Variants in SLC27A2 observed in about 807,000 individuals in gnomAD.
SLC27A2 encodes the protein solute carrier family 27 member 2, also known as long-chain fatty acid transport protein 2.
In SLC27A2, 54 loss-of-function variants were observed where a neutral mutation model predicts 60.0. The ratio of observed to expected loss-of-function variants is 0.90; its 90% confidence interval spans 0.72 to 1.13. The LOEUF (loss-of-function observed/expected upper bound fraction) is 1.13. Ranked by LOEUF, SLC27A2 falls within the 50% of genes most tolerant of loss-of-function variation. SLC27A2 has a pLI of 0.00. For missense variants in SLC27A2, 739 were observed against 777.6 expected, an observed-to-expected ratio of 0.95 and a Z score of 0.59; for synonymous variants, 297 against 297.6, an observed-to-expected ratio of 1.00 and a Z score of 0.02.
At chr15:50,213,184 C>T (rs184738066) in intron 4 of SLC27A2, among the ~76,000 whole-genome samples, 48 of 152,246 alleles carry the variant, frequency 3.2e-4, no homozygotes, top group African/African-American at 1.1e-3. Context: ...AACTTTAAAG[C>T]AACAGTGGTT....
intron 9 of SLC27A2, among the ~76,000 whole-genome samples, 181 bp downstream of exon 9, chr15:50,234,179 C>T (rs1250120511): frequency 6.6e-6 from 1 of 152,158 alleles, no homozygotes; most frequent in Non-Finnish European, 1.5e-5. Flanking sequence ...GGTGCGGTGG[C>T]TCATGCCTGT....
intron 4 of SLC27A2, among the ~76,000 whole-genome samples, chr15:50,206,467 G>A (rs1178162281): frequency 5.3e-5 from 8 of 152,114 alleles, no homozygotes; most frequent in South Asian, 2.1e-4. Context: ...GCCGTGTGAC[G>A]CAGAAAGAAG....
intron 6 of SLC27A2, 94 bp downstream of exon 6, chr15:50,226,172 T>G (rs1249899265): frequency 2.6e-6 from 2 of 773,350 alleles, no homozygotes; most frequent in Non-Finnish European, 4.5e-6. Context: ...ATGGTAAAAT[T>G]TATCAGAGTG....
Position 50,182,242 on chromosome 15 carries a change from CCGGAGCCCGCGGCGGTACCTGCAG to C in SLC27A2, c.-180_-157del. ...CAACGCGCATACGACTACACCTGCT[CCGGAGCCCGCGGCGGTACCTGCAG>C]CGGAGGAGCTCTGTCTTCCCCTTCA... On this transcript the variant is annotated 5_prime_UTR_variant, in exon 1 of 10. Transcript: ENST00000267842. 1.0e-6 allele frequency: 1 copy of C among 986,208 alleles called. No homozygotes were observed. The highest frequency in any genetic ancestry group is 1.3e-6 in the Non-Finnish European group (1 of 755,282). 61.1% of individuals were successfully genotyped at this position (986,208 alleles called of 1,614,324 possible).
rs766872932 is a variant in SLC27A2 at position 50,197,462 on chromosome 15, G to A, written c.479-38G>A. On this transcript the variant is annotated intron_variant, in intron 1 of 9. Coordinates refer to ENST00000267842, the MANE Select transcript of SLC27A2 (RefSeq NM_003645.4). Reference sequence around the variant, plus strand: ...AGCACTAATAGAACTTTAATAGACTGATTTAGTTTGTTTTGATATTTTTCT... The same window carrying A: ...AGCACTAATAGAACTTTAATAGACTAATTTAGTTTGTTTTGATATTTTTCT... 21 of 1,489,594 alleles carry A rather than the reference G, an allele frequency of 1.4e-5. No homozygotes were observed. In the East Asian group the frequency reaches 4.1e-4, roughly 29 times the overall value. The allele number at this position is 1,489,594 out of a possible 1,614,324, so 92.3% of individuals were successfully genotyped here.
Position 50,236,166 on chromosome 15 carries a change from C to CTT in SLC27A2, c.*72_*73dup, listed in dbSNP as rs912222156. The CTT allele has an allele frequency of 9.3e-5, 122 of 1,310,490 alleles. No homozygotes were observed. The highest frequency in any genetic ancestry group is 1.3e-4 in the Non-Finnish European group (122 of 970,630). 81.2% of individuals were successfully genotyped at this position (1,310,490 alleles called of 1,614,324 possible). On this transcript the variant is annotated 3_prime_UTR_variant, in exon 10 of 10. Transcript: ENST00000267842. ...TGGACAGCCACTTGATATAATCCAA[C>CTT]TTTAATTTGATTGAAGATTGTGAGG... is the stretch of plus-strand genomic sequence containing the variant.
At chr15:50,183,680 C>A (rs1432523318) in intron 1 of SLC27A2, among the ~76,000 whole-genome samples, 1 of 152,160 alleles carries the variant, frequency 6.6e-6, no homozygotes, top group Non-Finnish European at 1.5e-5. Context: ...GGGCTGATGG[C>A]TTTCCCCTCC....
chr15:50,205,865 C>T (rs545968258), intron 4 of SLC27A2, among the ~76,000 whole-genome samples: 13 of 152,188 alleles, frequency 8.5e-5, no homozygotes, highest in African/African-American at 1.7e-4. Flanking sequence ...TCTGTTATAC[C>T]GAAGGCATAC....
At chr15:50,205,462 G>A in intron 4 of SLC27A2, 99 bp downstream of exon 4, 2 of 1,242,540 alleles carry the variant, frequency 1.6e-6, no homozygotes, top group Non-Finnish European at 2.2e-6. Flanking sequence ...GCATATATCA[G>A]TTTTGAGTTT....
intron 9 of SLC27A2, 61 bp downstream of exon 9, chr15:50,234,059 G>A (rs1382374201): frequency 2.1e-6 from 3 of 1,457,612 alleles, no homozygotes; most frequent in Admixed American, 4.3e-5. Flanking sequence ...ACCACTTAGG[G>A]AACAACTCGC....
intron 8 of SLC27A2, among the ~76,000 whole-genome samples, chr15:50,230,192 C>A (rs562037147): frequency 2.4e-4 from 36 of 149,084 alleles, no homozygotes; most frequent in African/African-American, 8.9e-4. Context: ...CGAGATCGTG[C>A]CATTGCACTC....
chr15:50,233,713 AT>A (rs1408414091), intron 8 of SLC27A2, among the ~76,000 whole-genome samples, 154 bp from the exon 9 acceptor site: 2 of 152,256 alleles, frequency 1.3e-5, no homozygotes, highest in African/African-American at 4.8e-5. Context: ...TATTAGTACA[AT>A]CACTTTACAG....
intron 4 of SLC27A2, among the ~76,000 whole-genome samples, chr15:50,209,180 A>T (rs556389137): frequency 6.6e-6 from 1 of 152,320 alleles, no homozygotes; most frequent in African/African-American, 2.4e-5. Flanking sequence ...GAATAGATTC[A>T]ACTTACCTCT....
In SLC27A2 at chr15:50,228,247, C is replaced by G. The variant is rs534314052; in HGVS notation, c.1458-698C>G. Among the ~76,000 whole-genome samples, 21 of 151,966 alleles carry G rather than the reference C, an allele frequency of 1.4e-4. 1 individual carries two copies. In the South Asian group the frequency reaches 4.4e-3, roughly 32 times the overall value. On this transcript the variant is annotated intron_variant, in intron 7 of 9. Transcript: ENST00000267842. ...ACAAAAATTGCTGGACATAGTGGCACGCGCCTGTAGTCCCAGCTACTTGGG... is the reference window on the plus strand; with the variant it reads ...ACAAAAATTGCTGGACATAGTGGCAGGCGCCTGTAGTCCCAGCTACTTGGG...
In SLC27A2 at chr15:50,182,797, C is replaced by T; in HGVS notation, c.370C>T (p.Leu124=). 1 of 1,613,692 alleles carries T rather than the reference C, an allele frequency of 6.2e-7. No homozygotes were observed. ...GGCCTACGTGTGGCTGTGGCTGGGGCTGGTGAAGCTGGGCTGTGCCATGGC... is the reference window on the plus strand; with the variant it reads ...GGCCTACGTGTGGCTGTGGCTGGGGTTGGTGAAGCTGGGCTGTGCCATGGC... ...EPAYVWLWLG[L]VKLGCAMACL... The change falls in exon 1 of 10, where the codon CTG becomes TTG. Residue 124 remains leucine (L), a synonymous_variant. Coordinates refer to ENST00000267842, the MANE Select transcript of SLC27A2 (RefSeq NM_003645.4).
chr15:50,186,397 C>G (rs182421645), intron 1 of SLC27A2, among the ~76,000 whole-genome samples: 1 of 151,476 alleles, frequency 6.6e-6, no homozygotes, highest in Non-Finnish European at 1.5e-5. Flanking sequence ...CTTTGAGAAA[C>G]AGTCTAGTTT....
intron 2 of SLC27A2, among the ~76,000 whole-genome samples, chr15:50,199,127 G>A (rs1396888093): frequency 6.6e-6 from 1 of 151,638 alleles, no homozygotes; most frequent in Non-Finnish European, 1.5e-5. Flanking sequence ...TTAACATATG[G>A]GACTTTTATC....
At chr15:50,211,864 G>A (rs1041801768) in intron 4 of SLC27A2, among the ~76,000 whole-genome samples, 3 of 152,008 alleles carry the variant, frequency 2.0e-5, no homozygotes, top group Non-Finnish European at 4.4e-5. Context: ...AAGGTCGGGA[G>A]ATTGAGACCA....
intron 4 of SLC27A2, among the ~76,000 whole-genome samples, chr15:50,212,289 A>T (rs977638162): frequency 2.4e-4 from 37 of 152,196 alleles, no homozygotes; most frequent in Non-Finnish European, 7.3e-5. Context: ...GCCTCCAAGA[A>T]GTCTAGGATT....
Sources: gnomAD v4.1 joint callset for allele counts (sites outside exome capture counted in the v4.1 genomes callset) on GRCh38, gnomAD v4.1.1 for gene constraint, MANE v1.5 for transcripts, NCBI Gene and HGNC (gene_info 2026-07-23, HGNC 2026-07-21) for gene names.